GRIN2A: variants seen among roughly 807,000 people sequenced by gnomAD.
The protein encoded by GRIN2A is glutamate ionotropic receptor NMDA type subunit 2A.
In GRIN2A, 22 loss-of-function variants were observed where a neutral mutation model predicts 113.4. The observed-to-expected ratio is 0.19, with a 90% CI of 0.14 to 0.28. The LOEUF is 0.28. Among genes scored for constraint, GRIN2A ranks in the 10% least tolerant of loss-of-function variants. GRIN2A has a pLI of 1.00. For synonymous variants in GRIN2A, 827 were observed against 738.4 expected (o/e 1.12, Z -1.94); for missense variants, 1,502 against 1,887.0 (o/e 0.80, Z 3.78).
At chr16:10,105,777 C>A (rs114587710) in intron 2 of GRIN2A, among the ~76,000 whole-genome samples, 3 of 152,056 alleles carry the variant, frequency 2.0e-5, no homozygotes, top group African/African-American at 7.2e-5. Context: ...CATGGTGGTG[C>A]GCACACGTAA....
intron 9 of GRIN2A, among the ~76,000 whole-genome samples, chr16:9,826,896 G>T (rs931952934): frequency 6.6e-6 from 1 of 152,088 alleles, no homozygotes. Flanking sequence ...ATTTCCCCCC[G>T]CCCTTGCCTT....
chr16:9,959,694 C>G (rs556274680), intron 2 of GRIN2A, among the ~76,000 whole-genome samples: 40 of 152,326 alleles, frequency 2.6e-4, no homozygotes, highest in African/African-American at 9.1e-4. Context: ...AAAACATTGG[C>G]CAGGCATGGC....
At chr16:9,838,789 G>C (rs1487041184) in intron 7 of GRIN2A, among the ~76,000 whole-genome samples, 1 of 152,068 alleles carries the variant, frequency 6.6e-6, no homozygotes, top group African/African-American at 2.4e-5. Context: ...ATGTGAACTG[G>C]GGGATGGGTT....
chr16:9,847,597 T>G (rs901073270), intron 5 of GRIN2A, among the ~76,000 whole-genome samples: 6 of 151,212 alleles, frequency 4.0e-5, no homozygotes, highest in Non-Finnish European at 5.9e-5. Context: ...TATATATTTT[T>G]AACACATAAA....
intron 2 of GRIN2A, among the ~76,000 whole-genome samples, chr16:9,964,181 G>A (rs139681373): frequency 2.0e-4 from 30 of 152,298 alleles, no homozygotes; most frequent in African/African-American, 5.8e-4. Flanking sequence ...AGGCACTGCC[G>A]CATGGACTTG....
At chr16:9,889,117 T>C (rs1392016559) in intron 4 of GRIN2A, among the ~76,000 whole-genome samples, 2 of 152,102 alleles carry the variant, frequency 1.3e-5, no homozygotes, top group Admixed American at 6.6e-5. Context: ...AATGGGAAAG[T>C]TTTTAGGTAT....
At chr16:9,854,458 G>C (rs530825155) in intron 4 of GRIN2A, among the ~76,000 whole-genome samples, 1 of 152,254 alleles carries the variant, frequency 6.6e-6, no homozygotes, top group East Asian at 1.9e-4. Flanking sequence ...GAAGACCTCA[G>C]TTTCGACTGT....
chr16:9,998,149 C>A (rs1320125986), intron 2 of GRIN2A, among the ~76,000 whole-genome samples: 1 of 152,126 alleles, frequency 6.6e-6, no homozygotes, highest in African/African-American at 2.4e-5. Context: ...GTATGAGGCT[C>A]TACTTTATTC....
intron 4 of GRIN2A, among the ~76,000 whole-genome samples, chr16:9,867,526 C>T (rs2043180565): frequency 6.6e-6 from 1 of 152,180 alleles, no homozygotes; most frequent in African/African-American, 2.4e-5. Flanking sequence ...GCATCCCAGC[C>T]CTTGGGCTCT....
rs371728553 is a variant in GRIN2A at position 9,882,870 on chromosome 16, A to C, written c.1122+8116T>G. ...TAATTAGCTGGTTTCAGGTAGAATC[A>C]ATTGCATCCAGTGAGAGGAAAGGAA... On this transcript the variant is annotated intron_variant, in intron 4 of 12. Transcript: ENST00000330684. Among the ~76,000 whole-genome samples the C allele has an allele frequency of 2.2e-4, 34 of 152,338 alleles. No homozygotes were observed. The East Asian group carries it at 5.8e-3, about 26-fold the overall frequency.
chr16:9,907,959 G>A (rs2044059321), intron 3 of GRIN2A, among the ~76,000 whole-genome samples: 1 of 152,194 alleles, frequency 6.6e-6, no homozygotes, highest in East Asian at 1.9e-4. Context: ...CATGTGGTAG[G>A]CGGTCAGTGA....
At chr16:9,809,965 G>A (rs2042055170) in intron 10 of GRIN2A, among the ~76,000 whole-genome samples, 2 of 152,184 alleles carry the variant, frequency 1.3e-5, no homozygotes, top group South Asian at 4.1e-4. Flanking sequence ...CTACTCTGGA[G>A]GCTGAGGCAG....
intron 2 of GRIN2A, chr16:9,943,172 A>T (rs548809730): frequency 6.6e-6 from 1 of 152,250 alleles, no homozygotes; most frequent in African/African-American, 2.4e-5. Context: ...CGGATTCTAC[A>T]TATCAGCCTC....
chr16:10,122,904 C>G (rs938533649), intron 2 of GRIN2A, among the ~76,000 whole-genome samples: 3 of 152,012 alleles, frequency 2.0e-5, no homozygotes, highest in African/African-American at 7.3e-5. Flanking sequence ...ATTTCCAGGT[C>G]CCTGGGGCAT....
chr16:10,105,949 T>C (rs763804351), intron 2 of GRIN2A, among the ~76,000 whole-genome samples: 1 of 144,598 alleles, frequency 6.9e-6, no homozygotes, highest in South Asian at 2.4e-4. Flanking sequence ...AATGTATGCA[T>C]AAACATATAT....
At chr16:9,781,299 T>C (rs758227645) in intron 11 of GRIN2A, among the ~76,000 whole-genome samples, 12 of 152,230 alleles carry the variant, frequency 7.9e-5, no homozygotes, top group Non-Finnish European at 1.5e-4. Flanking sequence ...TAATGCCTAA[T>C]GCTGCTAGAT....
intron 2 of GRIN2A, among the ~76,000 whole-genome samples, chr16:10,068,765 G>C (rs933066958): frequency 6.6e-6 from 1 of 152,186 alleles, no homozygotes; most frequent in Non-Finnish European, 1.5e-5. Flanking sequence ...AAAGGACAGA[G>C]GCCAGAGACT....
At chr16:10,065,205 A>G (rs929622266) in intron 2 of GRIN2A, among the ~76,000 whole-genome samples, 2 of 152,216 alleles carry the variant, frequency 1.3e-5, no homozygotes, top group Non-Finnish European at 2.9e-5. Flanking sequence ...TGGGAGAATT[A>G]TTAACCATCA....
chr16:10,066,274 G>T (rs538882000), intron 2 of GRIN2A, among the ~76,000 whole-genome samples: 6 of 152,284 alleles, frequency 3.9e-5, no homozygotes, highest in African/African-American at 1.4e-4. Flanking sequence ...AGGGTTGCCT[G>T]AACACTAGCT....
Sources: gnomAD v4.1 joint callset for allele counts (sites outside exome capture counted in the v4.1 genomes callset) on GRCh38, gnomAD v4.1.1 for gene constraint, MANE v1.5 for transcripts, NCBI Gene and HGNC (gene_info 2026-07-23, HGNC 2026-07-21) for gene names.